Variants in ADAMTSL1 observed in about 807,000 individuals in gnomAD.
The protein encoded by ADAMTSL1 is ADAMTS-like protein 1.
In ADAMTSL1, 126 loss-of-function variants were observed where a neutral mutation model predicts 201.8. That is an observed-to-expected ratio of 0.62 (90% CI 0.54 to 0.72). The LOEUF (loss-of-function observed/expected upper bound fraction) is 0.72, where lower values mean the gene tolerates loss of function less well. ADAMTSL1 is among the 30% of genes least tolerant of loss of function. The probability of loss-of-function intolerance (pLI) is 0.00; values close to 1 mark genes in which losing one functional copy is unlikely to be tolerated. For synonymous variants in ADAMTSL1, 1,121 were observed against 903.4 expected, an observed-to-expected ratio of 1.24 and a Z score of -4.32; for missense variants, 2,679 against 2,277.8, an observed-to-expected ratio of 1.18 and a Z score of -3.59.
chr9:18,485,711 A>T (rs1821956298), intron 1 of ADAMTSL1, among the ~76,000 whole-genome samples: 1 of 152,190 alleles, frequency 6.6e-6, no homozygotes, highest in Non-Finnish European at 1.5e-5. Context: ...AGGAAAGGGA[A>T]GGTAAGTTCA....
At chr9:18,733,463 TA>T (rs1000052833) in intron 15 of ADAMTSL1, among the ~76,000 whole-genome samples, 49 of 152,294 alleles carry the variant, frequency 3.2e-4, no homozygotes, top group African/African-American at 1.0e-3. Flanking sequence ...ACTGAGTTAT[TA>T]GGCAAAAAGC....
intron 20 of ADAMTSL1, among the ~76,000 whole-genome samples, chr9:18,807,819 A>G (rs985906986): frequency 2.0e-5 from 3 of 152,132 alleles, no homozygotes; most frequent in Non-Finnish European, 2.9e-5. Context: ...TCTTAACACA[A>G]ATGTATAATT....
intron 2 of ADAMTSL1, among the ~76,000 whole-genome samples, chr9:18,241,374 T>A (rs1052889634): frequency 6.6e-6 from 1 of 152,198 alleles, no homozygotes; most frequent in African/African-American, 2.4e-5. Context: ...TAATTTCACC[T>A]ACCTGTATTC....
intron 3 of ADAMTSL1, among the ~76,000 whole-genome samples, chr9:18,566,162 A>G (rs1259592655): frequency 6.6e-6 from 1 of 152,200 alleles, no homozygotes; most frequent in Non-Finnish European, 1.5e-5. Flanking sequence ...TGAAAGAAAG[A>G]AAAAAATTAG....
At chr9:18,626,329 T>C (rs1216513820) in intron 5 of ADAMTSL1, among the ~76,000 whole-genome samples, 1 of 152,142 alleles carries the variant, frequency 6.6e-6, no homozygotes, top group East Asian at 1.9e-4. Context: ...GCTGCAATTT[T>C]CAGTAAATTA....
chr9:18,476,586 A>G (rs1354283805), intron 1 of ADAMTSL1, among the ~76,000 whole-genome samples: 1 of 152,154 alleles, frequency 6.6e-6, no homozygotes, highest in Non-Finnish European at 1.5e-5. Context: ...TGTGTACTTG[A>G]TTTAGAACTA....
chr9:17,990,852 A>G (rs1318404432), intron 1 of ADAMTSL1, among the ~76,000 whole-genome samples: 1 of 152,152 alleles, frequency 6.6e-6, no homozygotes, highest in Non-Finnish European at 1.5e-5. Context: ...TCTTTGACAT[A>G]TGAGACAAAA....
intron 2 of ADAMTSL1, among the ~76,000 whole-genome samples, chr9:18,264,014 T>A (rs1156868085): frequency 6.6e-6 from 1 of 152,182 alleles, no homozygotes; most frequent in Non-Finnish European, 1.5e-5. Flanking sequence ...ATTAAATTAA[T>A]CTATCTATGC....
intron 4 of ADAMTSL1, among the ~76,000 whole-genome samples, chr9:18,576,509 C>G (rs1822738384): frequency 6.6e-6 from 1 of 152,126 alleles, no homozygotes; most frequent in Non-Finnish European, 1.5e-5. Flanking sequence ...TTCAAAGAGC[C>G]ACATTCTCAA....
intron 2 of ADAMTSL1, among the ~76,000 whole-genome samples, chr9:18,335,053 G>C (rs950113130): frequency 2.0e-5 from 3 of 151,964 alleles, no homozygotes; most frequent in African/African-American, 7.3e-5. Flanking sequence ...TTAATAACTT[G>C]AAGGTTACGT....
chr9:18,746,385 A>G (rs1819146562), intron 15 of ADAMTSL1, among the ~76,000 whole-genome samples: 1 of 152,072 alleles, frequency 6.6e-6, no homozygotes, highest in Non-Finnish European at 1.5e-5. Context: ...ATTGCTGTCC[A>G]CCTCCCGACC....
At chr9:18,017,387 C>T (rs969919577) in intron 1 of ADAMTSL1, among the ~76,000 whole-genome samples, 1 of 151,874 alleles carries the variant, frequency 6.6e-6, no homozygotes, top group South Asian at 2.1e-4. Flanking sequence ...GCTTTTAACA[C>T]CTGCTTAGTT....
intron 23 of ADAMTSL1, among the ~76,000 whole-genome samples, chr9:18,863,350 C>T (rs973696640): frequency 6.6e-6 from 1 of 152,168 alleles, no homozygotes; most frequent in South Asian, 2.1e-4. Context: ...TCATGGGAGA[C>T]GTTAGCATAC....
chr9:18,603,142 A>T (rs1024784164), intron 4 of ADAMTSL1, among the ~76,000 whole-genome samples: 1 of 152,130 alleles, frequency 6.6e-6, no homozygotes, highest in African/African-American at 2.4e-5. Context: ...TAGTAATGGT[A>T]GGTGTTCCAT....
At chr9:18,106,750 A>C (rs892355665) in intron 1 of ADAMTSL1, among the ~76,000 whole-genome samples, 1 of 152,230 alleles carries the variant, frequency 6.6e-6, no homozygotes, top group Admixed American at 6.5e-5. Context: ...CTAATGCTTT[A>C]TCAGAACAGC....
At chr9:18,186,125 C>G (rs1212323630) in intron 2 of ADAMTSL1, among the ~76,000 whole-genome samples, 2 of 152,148 alleles carry the variant, frequency 1.3e-5, no homozygotes, top group East Asian at 3.8e-4. Context: ...AACCTGGCCT[C>G]TGCTTCCAAG....
intron 5 of ADAMTSL1, 30 bp from the exon 6 acceptor site, chr9:18,635,912 GC>G: frequency 1.3e-6 from 2 of 1,578,298 alleles, no homozygotes; most frequent in East Asian, 2.3e-5. Context: ...CAAGTGACAT[GC>G]TTTTAAGATT....
chr9:18,781,294 G>A (rs1387014426), intron 19 of ADAMTSL1, among the ~76,000 whole-genome samples: 1 of 152,186 alleles, frequency 6.6e-6, no homozygotes, highest in Non-Finnish European at 1.5e-5. Context: ...CTGAGAGGCA[G>A]GAACAAACAG....
At chr9:18,891,284 T>C (rs1354058507) in intron 25 of ADAMTSL1, among the ~76,000 whole-genome samples, 1 of 152,228 alleles carries the variant, frequency 6.6e-6, no homozygotes, top group Non-Finnish European at 1.5e-5. Context: ...TGGTTGTCTC[T>C]TTGAGATACA....
Sources: allele counts gnomAD v4.1 joint callset (sites outside exome capture counted in the v4.1 genomes callset), GRCh38; gene constraint gnomAD v4.1.1; transcripts MANE v1.5; gene names NCBI Gene and HGNC (gene_info 2026-07-23, HGNC 2026-07-21).